MAGI2: variants seen among roughly 807,000 people sequenced by gnomAD.
The protein encoded by MAGI2 is membrane-associated guanylate kinase, WW and PDZ domain-containing protein 2.
Under a neutral mutation model 133.3 loss-of-function variants are expected in MAGI2, and 35 were observed. The ratio of observed to expected loss-of-function variants is 0.26; its 90% CI spans 0.20 to 0.35. The LOEUF (loss-of-function observed/expected upper bound fraction) is 0.35. Ranked by LOEUF, MAGI2 falls within the 10% of genes least tolerant of loss-of-function variation. The pLI is 1.00. For missense variants in MAGI2, 1,636 were observed against 1,863.4 expected, an observed-to-expected ratio of 0.88 and a Z score of 2.25; for synonymous variants, 729 against 710.6, an observed-to-expected ratio of 1.03 and a Z score of -0.41.
chr7:78,879,292 ACATGGATCAGCC>A (rs1381228662), intron 2 of MAGI2, among the ~76,000 whole-genome samples: 1 of 152,164 alleles, frequency 6.6e-6, no homozygotes, highest in East Asian at 1.9e-4. Context: ...TCTGTGCACT[ACATGGATCAGCC>A]CATTGCCTGG....
chr7:78,195,110 G>A (rs1184109632), intron 11 of MAGI2, 47 bp from the exon 12 acceptor site: 4 of 1,485,462 alleles, frequency 2.7e-6, no homozygotes, highest in Non-Finnish European at 3.6e-6. Flanking sequence ...AATTCTTCCT[G>A]GCTATTTCTC....
At chr7:78,382,785 TTTA>T (rs1161476450) in intron 6 of MAGI2, among the ~76,000 whole-genome samples, 1 of 152,034 alleles carries the variant, frequency 6.6e-6, no homozygotes, top group Non-Finnish European at 1.5e-5. Flanking sequence ...TTCATAGTCT[TTTA>T]TCTCTCTTTC....
chr7:78,737,017 A>G (rs1821922197), intron 2 of MAGI2, among the ~76,000 whole-genome samples: 1 of 152,204 alleles, frequency 6.6e-6, no homozygotes, highest in Admixed American at 6.5e-5. Flanking sequence ...TGAATGAATG[A>G]CTGACAGATA....
chr7:78,891,411 C>T (rs1246418585), intron 2 of MAGI2, among the ~76,000 whole-genome samples: 1 of 152,160 alleles, frequency 6.6e-6, no homozygotes, highest in Non-Finnish European at 1.5e-5. Flanking sequence ...CAAAGCCTGG[C>T]AGAGACACAA....
chr7:78,615,304 T>G (rs558449745), intron 3 of MAGI2: 2 of 152,340 alleles, frequency 1.3e-5, no homozygotes, highest in South Asian at 2.1e-4. Context: ...TAGATATCCT[T>G]GAAGTTAGAA....
intron 2 of MAGI2, among the ~76,000 whole-genome samples, chr7:78,777,062 C>A (rs928454055): frequency 3.3e-5 from 5 of 152,086 alleles, no homozygotes; most frequent in African/African-American, 1.2e-4. Flanking sequence ...CATTTTCAGT[C>A]ACTGTCAAAA....
At chr7:78,166,472 G>C (rs1244002183) in intron 15 of MAGI2, among the ~76,000 whole-genome samples, 2 of 152,104 alleles carry the variant, frequency 1.3e-5, no homozygotes, top group Admixed American at 1.3e-4. Flanking sequence ...TTACTTCTTT[G>C]GGTCAAGTGA....
chr7:78,424,719 C>A (rs1470123854), intron 6 of MAGI2, among the ~76,000 whole-genome samples: 3 of 152,158 alleles, frequency 2.0e-5, no homozygotes, highest in East Asian at 1.9e-4. Flanking sequence ...CAAAGGAAAT[C>A]ATTTTGGAGC....
chr7:78,242,284 G>A (rs571262970), intron 10 of MAGI2, among the ~76,000 whole-genome samples: 1 of 152,290 alleles, frequency 6.6e-6, no homozygotes, highest in South Asian at 2.1e-4. Flanking sequence ...ACCCAGAGAG[G>A]GATGCGAAGG....
chr7:78,190,398 G>T (rs1484327864), intron 12 of MAGI2, among the ~76,000 whole-genome samples: 1 of 152,142 alleles, frequency 6.6e-6, no homozygotes, highest in Non-Finnish European at 1.5e-5. Flanking sequence ...TACATTTAGA[G>T]ATATGCTTTT....
intron 21 of MAGI2, among the ~76,000 whole-genome samples, chr7:78,063,240 C>A (rs1346948588): frequency 3.6e-5 from 1 of 27,530 alleles, no homozygotes; most frequent in African/African-American, 7.2e-5. Context: ...GTATTTTTTT[C>A]TTTTCTTTTC....
intron 1 of MAGI2, among the ~76,000 whole-genome samples, chr7:79,385,695 C>T (rs950853331): frequency 2.6e-5 from 4 of 151,382 alleles, no homozygotes; most frequent in East Asian, 1.9e-4. Flanking sequence ...GCGAGGGGGA[C>T]GGAAATGGGG....
chr7:78,457,627 G>T (rs1789461202), intron 6 of MAGI2, among the ~76,000 whole-genome samples: 1 of 152,132 alleles, frequency 6.6e-6, no homozygotes, highest in Non-Finnish European at 1.5e-5. Context: ...AAGGAGAAAG[G>T]GAGAGAAAAA....
intron 2 of MAGI2, among the ~76,000 whole-genome samples, chr7:78,866,690 C>T (rs970159759): frequency 1.3e-5 from 2 of 151,810 alleles, no homozygotes; most frequent in Non-Finnish European, 2.9e-5. Flanking sequence ...TGCCTCTCAG[C>T]TAAATAATGG....
rs114406998 is a variant in MAGI2 at position 78,624,761 on chromosome 7, G to A, written c.538+2359C>T. On this transcript the variant is annotated intron_variant, in intron 3 of 21. Transcript: ENST00000354212. The stretch of plus-strand genomic sequence containing the variant: ...ACCACTATGGCACGTATTTACCTAC[G>A]TAACTTAAAAGTCGAAGAAGAAAAA... Among the ~76,000 whole-genome samples the A allele has an allele frequency of 2.6e-3, 392 of 152,148 alleles. 1 individual carries two copies. The highest frequency in any genetic ancestry group is 8.7e-3 in the African/African-American group (362 of 41,516).
chr7:79,325,598 A>G (rs1288726430), intron 1 of MAGI2, among the ~76,000 whole-genome samples: 1 of 152,178 alleles, frequency 6.6e-6, no homozygotes, highest in Non-Finnish European at 1.5e-5. Flanking sequence ...AAGCAGATCC[A>G]TAGAGCTTCA....
chr7:78,349,562 G>A (rs1791278160), intron 7 of MAGI2, among the ~76,000 whole-genome samples: 1 of 152,102 alleles, frequency 6.6e-6, no homozygotes, highest in Non-Finnish European at 1.5e-5. Flanking sequence ...TCACTATGTT[G>A]AAAATATTCC....
At chr7:78,980,950 G>C (rs1804731567) in intron 2 of MAGI2, among the ~76,000 whole-genome samples, 5 of 151,460 alleles carry the variant, frequency 3.3e-5, no homozygotes, top group African/African-American at 1.2e-4. Flanking sequence ...TTTTCTTTCA[G>C]GGCTTTTTAG....
At chr7:78,259,372 G>A (rs1793302819) in intron 9 of MAGI2, among the ~76,000 whole-genome samples, 1 of 152,104 alleles carries the variant, frequency 6.6e-6, no homozygotes, top group African/African-American at 2.4e-5. Context: ...TCCCAAACTG[G>A]CTTCAATCCT....
Sources: allele counts gnomAD v4.1 joint callset (sites outside exome capture counted in the v4.1 genomes callset), GRCh38; gene constraint gnomAD v4.1.1; transcripts MANE v1.5; gene names NCBI Gene and HGNC (gene_info 2026-07-23, HGNC 2026-07-21).